Variants in CCDC91 observed in about 807,000 individuals in gnomAD.
CCDC91 encodes the protein coiled-coil domain containing 91, also known as coiled-coil domain-containing protein 91.
A neutral mutation model predicts 63.2 loss-of-function variants in CCDC91; 48 were observed. The ratio of observed to expected loss-of-function variants is 0.76; its 90% confidence interval spans 0.60 to 0.97. The LOEUF (loss-of-function observed/expected upper bound fraction) is 0.97, where lower values mean the gene tolerates loss of function less well. Among genes scored for constraint, CCDC91 ranks in the 50% least tolerant of loss-of-function variants. The probability of loss-of-function intolerance (pLI) is 0.00; values close to 1 mark genes in which losing one functional copy is unlikely to be tolerated. For synonymous variants in CCDC91, 167 were observed against 165.8 expected, an observed-to-expected ratio of 1.01 and a Z score of -0.06; for missense variants, 500 against 494.6, an observed-to-expected ratio of 1.01 and a Z score of -0.10.
intron 8 of CCDC91, among the ~76,000 whole-genome samples, chr12:28,430,768 GA>G (rs1358592969): frequency 6.6e-6 from 1 of 152,110 alleles, no homozygotes; most frequent in African/African-American, 2.4e-5. Flanking sequence ...GTTACCCAGT[GA>G]AGGAAAGTTC....
chr12:28,486,595 G>A (rs112924351), intron 12 of CCDC91, among the ~76,000 whole-genome samples: 5 of 152,188 alleles, frequency 3.3e-5, no homozygotes, highest in East Asian at 1.9e-4. Context: ...AGGGAGTTAT[G>A]TGGCTACCAT....
chr12:28,267,539 AAC>A (rs1222091126), intron 3 of CCDC91, among the ~76,000 whole-genome samples: 3 of 149,182 alleles, frequency 2.0e-5, no homozygotes, highest in African/African-American at 7.4e-5. Context: ...ATTTAAAATT[AAC>A]AGTTTACTTA....
At chr12:28,450,095 CT>C in intron 8 of CCDC91, 65 bp from the exon 9 acceptor site, 1 of 822,086 alleles carries the variant, frequency 1.2e-6, no homozygotes, top group Non-Finnish European at 1.9e-6. Flanking sequence ...ATTCTACCAG[CT>C]ACTCTCCTTG....
rs1592620595 is a variant in CCDC91, at chr12:28,419,980, C to G, written c.762+28569C>G. ...CTGTGTCTCCCAGGCTGATCTCGAA[C>G]TCCTAGGCTCAAGTAATACTCCTGC... On this transcript the variant is annotated intron_variant, in intron 8 of 12. Coordinates refer to ENST00000536442, the MANE Select transcript of CCDC91 (RefSeq NM_018318.5). 2.0e-5 allele frequency among the ~76,000 whole-genome samples: 3 copies of G among 152,150 alleles called. No homozygotes were observed. In the East Asian group the frequency reaches 5.8e-4, roughly 29 times the overall value.
chr12:28,255,813 T>G (rs1209868511), intron 1 of CCDC91: 1 of 152,170 alleles, frequency 6.6e-6, no homozygotes, highest in African/African-American at 2.4e-5. Flanking sequence ...AAAACAATCG[T>G]TGAAATTAAT....
At chr12:28,439,504 T>C (rs1949072358) in intron 8 of CCDC91, among the ~76,000 whole-genome samples, 3 of 152,138 alleles carry the variant, frequency 2.0e-5, no homozygotes, top group African/African-American at 7.2e-5. Context: ...CATGAGTTTC[T>C]GTTACAGAAT....
In CCDC91 at chr12:28,260,042, A is replaced by G. The variant is rs137988595; in HGVS notation, c.109+600A>G. On this transcript the variant is annotated intron_variant, in intron 3 of 12. Transcript: ENST00000536442. ...TTCAACAGCTCTGCCTAGACCTCAA[A>G]TGTTACAGTTATTTATTGTAAAATA... Among the ~76,000 whole-genome samples the G allele has an allele frequency of 3.2e-4, 49 of 152,040 alleles. No individual in the cohort carries two copies. In the East Asian group the frequency reaches 9.1e-3, roughly 28 times the overall value.
At chr12:28,277,370 A>C (rs1948307431) in intron 3 of CCDC91, among the ~76,000 whole-genome samples, 1 of 152,000 alleles carries the variant, frequency 6.6e-6, no homozygotes, top group South Asian at 2.1e-4. Context: ...TTTATTTTAA[A>C]ATTATATTGA....
At chr12:28,201,005 A>C (rs1329787402) in intron 1 of CCDC91, among the ~76,000 whole-genome samples, 2 of 114,126 alleles carry the variant, frequency 1.8e-5, no homozygotes, top group Non-Finnish European at 1.8e-5. Context: ...CGGGGGGCTG[A>C]CCCCCCCACC....
intron 8 of CCDC91, among the ~76,000 whole-genome samples, chr12:28,405,116 G>T (rs931294947): frequency 3.3e-5 from 5 of 151,282 alleles, no homozygotes; most frequent in Non-Finnish European, 5.9e-5. Flanking sequence ...TACCTTTTCT[G>T]GTTCAAATTG....
chr12:28,444,405 A>G (rs1462451475), intron 8 of CCDC91, among the ~76,000 whole-genome samples: 1 of 152,216 alleles, frequency 6.6e-6, no homozygotes, highest in Non-Finnish European at 1.5e-5. Context: ...TTGGGCAGCC[A>G]GCTAGCCAAG....
chr12:28,525,254 C>T (rs1221409178), intron 12 of CCDC91, among the ~76,000 whole-genome samples: 3 of 152,088 alleles, frequency 2.0e-5, no homozygotes, highest in Non-Finnish European at 2.9e-5. Flanking sequence ...AAACTTTCCT[C>T]CTAGCACCAC....
At chr12:28,260,237 A>G (rs1946736224) in intron 3 of CCDC91, among the ~76,000 whole-genome samples, 1 of 151,962 alleles carries the variant, frequency 6.6e-6, no homozygotes, top group African/African-American at 2.4e-5. Context: ...TTATTTAGCA[A>G]ATTCTTATTT....
intron 3 of CCDC91, among the ~76,000 whole-genome samples, chr12:28,267,751 CTATATAATTATATATAATTATATTATTAA>C (rs1565699110): frequency 1.7e-4 from 9 of 51,888 alleles, no homozygotes; most frequent in African/African-American, 5.5e-4. Context: ...TTATATATTA[CTATATAATTATATATAATTATATTATTAA>C]TATATAATTA....
chr12:28,390,127 TCTTA>T (rs1945842358), intron 7 of CCDC91, among the ~76,000 whole-genome samples: 1 of 152,128 alleles, frequency 6.6e-6, no homozygotes, highest in African/African-American at 2.4e-5. Context: ...CATCAGAGAA[TCTTA>T]CTTTTGCACA....
At chr12:28,235,108 G>A (rs1944853368) in intron 1 of CCDC91, among the ~76,000 whole-genome samples, 1 of 152,066 alleles carries the variant, frequency 6.6e-6, no homozygotes, top group African/African-American at 2.4e-5. Flanking sequence ...TTATATGGAG[G>A]GTCGTTTTCT....
At chr12:28,304,519 A>G (rs1353376674) in intron 3 of CCDC91, 12 of 326,964 alleles carry the variant, frequency 3.7e-5, no homozygotes, top group Admixed American at 3.3e-4. Flanking sequence ...ATATTGCTAC[A>G]TAATAAAAGT....
chr12:28,232,574 C>A (rs942665707), intron 1 of CCDC91, among the ~76,000 whole-genome samples: 5 of 151,896 alleles, frequency 3.3e-5, no homozygotes, highest in Admixed American at 1.3e-4. Flanking sequence ...TTAGATTGAT[C>A]TGAATTAGAG....
chr12:28,402,520 A>ATTT (rs57398967), intron 8 of CCDC91, among the ~76,000 whole-genome samples: 12 of 51,936 alleles, frequency 2.3e-4, no homozygotes, highest in African/African-American at 6.3e-4. Context: ...AGTTCCAGGA[A>ATTT]TTTTTTTTTT....
Sources: gnomAD v4.1 joint callset for allele counts (sites outside exome capture counted in the v4.1 genomes callset) on GRCh38, gnomAD v4.1.1 for gene constraint, MANE v1.5 for transcripts, NCBI Gene and HGNC (gene_info 2026-07-23, HGNC 2026-07-21) for gene names.